MYO5A: variants seen among roughly 807,000 people sequenced by gnomAD.
MYO5A encodes the protein unconventional myosin-Va.
Under a neutral mutation model 249.7 loss-of-function variants are expected in MYO5A, and 98 were observed. That is an observed-to-expected ratio of 0.39 (90% CI 0.33 to 0.46). The LOEUF is 0.46. Ranked by LOEUF, MYO5A falls within the 20% of genes least tolerant of loss-of-function variation. MYO5A has a pLI of 0.98. For synonymous variants in MYO5A, 778 were observed against 810.6 expected (o/e 0.96, Z 0.68); for missense variants, 1,696 against 2,308.8 (o/e 0.73, Z 5.44).
intron 9 of MYO5A, among the ~76,000 whole-genome samples, chr15:52,404,163 G>A (rs1006747811): frequency 6.6e-6 from 1 of 151,720 alleles, no homozygotes; most frequent in African/African-American, 2.4e-5. Flanking sequence ...TACTCAGGAG[G>A]CTGAGGCAGA....
At chr15:52,377,707 A>T (rs186667688) in intron 18 of MYO5A, among the ~76,000 whole-genome samples, 1 of 151,154 alleles carries the variant, frequency 6.6e-6, no homozygotes, top group Admixed American at 6.6e-5. Context: ...AGTAGCTGGG[A>T]TTACAGGTAA....
At chr15:52,321,303 A>G (rs2038299028) in intron 38 of MYO5A, 56 bp downstream of exon 38, 8 of 1,608,620 alleles carry the variant, frequency 5.0e-6, no homozygotes, top group Non-Finnish European at 2.6e-6. Context: ...GTGGCTACTT[A>G]TCGATGGGCA....
chr15:52,462,711 G>T (rs569624173), intron 1 of MYO5A, among the ~76,000 whole-genome samples: 1 of 152,032 alleles, frequency 6.6e-6, no homozygotes, highest in Admixed American at 6.6e-5. Context: ...GGCCGGGCAC[G>T]GTGGCACACA....
At chr15:52,367,719 C>T (rs1011899265) in intron 22 of MYO5A, among the ~76,000 whole-genome samples, 11 of 152,036 alleles carry the variant, frequency 7.2e-5, no homozygotes. Flanking sequence ...CTTTCATCTC[C>T]CTTTAAGAGT....
At chr15:52,508,014 A>G (rs1294475827) in intron 1 of MYO5A, among the ~76,000 whole-genome samples, 1 of 152,186 alleles carries the variant, frequency 6.6e-6, no homozygotes, top group Admixed American at 6.5e-5. Flanking sequence ...CCCTATCAGG[A>G]AAGTACATTC....
intron 8 of MYO5A, among the ~76,000 whole-genome samples, chr15:52,406,463 T>A (rs764082961): frequency 2.4e-4 from 37 of 152,210 alleles, no homozygotes; most frequent in Non-Finnish European, 4.3e-4. Context: ...TAGATTTTGA[T>A]AAAATGCAGA....
intron 9 of MYO5A, among the ~76,000 whole-genome samples, chr15:52,404,273 A>C (rs2042901128): frequency 6.6e-6 from 1 of 150,766 alleles, no homozygotes; most frequent in African/African-American, 2.4e-5. Flanking sequence ...GTCTCAAAAA[A>C]AAAAAAAAAA....
chr15:52,332,879 C>T (rs1345781868), intron 34 of MYO5A, among the ~76,000 whole-genome samples: 12 of 152,080 alleles, frequency 7.9e-5, no homozygotes, highest in East Asian at 1.9e-4. Flanking sequence ...GCAGGAGAAT[C>T]GCTTGAACCT....
Position 52,313,087 on chromosome 15 carries a change from T to C in MYO5A, c.*609A>G, listed in dbSNP as rs865907185. ...GCAATTTAAAATGCTCAGTAAACTA[T>C]AGTACAAATGGACATCTATACTATT... On this transcript the variant is annotated 3_prime_UTR_variant, in exon 42 of 42. Transcript: ENST00000399233. 1.9e-5 allele frequency: 3 copies of C among 154,088 alleles called. No individual in the cohort carries two copies. Among genetic ancestry groups the C allele is most frequent in the Non-Finnish European group, 2.9e-5 (2 of 69,022 alleles). 9.5% of individuals were successfully genotyped at this position (154,088 alleles called of 1,614,324 possible).
At chr15:52,360,876 G>A (rs1299305700) in intron 24 of MYO5A, among the ~76,000 whole-genome samples, 1 of 152,168 alleles carries the variant, frequency 6.6e-6, no homozygotes, top group African/African-American at 2.4e-5. Flanking sequence ...AGCAGGAGAG[G>A]TGGAAAAGAT....
intron 32 of MYO5A, 63 bp downstream of exon 32, chr15:52,340,133 A>G (rs1567033824): frequency 6.3e-7 from 1 of 1,579,530 alleles, no homozygotes; most frequent in Non-Finnish European, 8.7e-7. Context: ...GTTTGATCAA[A>G]AAGAAACTAG....
At chr15:52,382,619 T>G (rs1165582851) in intron 16 of MYO5A, among the ~76,000 whole-genome samples, 2 of 151,978 alleles carry the variant, frequency 1.3e-5, no homozygotes, top group African/African-American at 4.8e-5. Flanking sequence ...TTCTGTTTTG[T>G]AAAAAAAACT....
At chr15:52,504,418 G>A (rs2077223099) in intron 1 of MYO5A, among the ~76,000 whole-genome samples, 2 of 152,138 alleles carry the variant, frequency 1.3e-5, no homozygotes, top group Non-Finnish European at 2.9e-5. Context: ...TAATACCCAT[G>A]TTTTGCAATG....
At chr15:52,370,569 A>C in intron 21 of MYO5A, 152 bp from the exon 22 acceptor site, 1 of 756,566 alleles carries the variant, frequency 1.3e-6, no homozygotes, top group Middle Eastern at 3.7e-4. Context: ...GCAATAGCAC[A>C]ACCAATACCT....
At chr15:52,392,452 C>G (rs1253866348) in intron 11 of MYO5A, among the ~76,000 whole-genome samples, 1 of 152,232 alleles carries the variant, frequency 6.6e-6, no homozygotes. Context: ...TTGATGCCCT[C>G]CAGGCTACTG....
At chr15:52,456,102 G>C (rs766902285) in intron 1 of MYO5A, among the ~76,000 whole-genome samples, 27 of 151,856 alleles carry the variant, frequency 1.8e-4, no homozygotes, top group Non-Finnish European at 3.1e-4. Context: ...ACTGATAAAC[G>C]AATCTAGTAA....
chr15:52,378,950 T>A (rs2041587283), intron 18 of MYO5A, among the ~76,000 whole-genome samples: 1 of 152,174 alleles, frequency 6.6e-6, no homozygotes, highest in Non-Finnish European at 1.5e-5. Context: ...TTTAGCCTGG[T>A]CTGCAAGACT....
intron 1 of MYO5A, among the ~76,000 whole-genome samples, chr15:52,514,527 A>T (rs983535777): frequency 6.6e-6 from 1 of 152,230 alleles, no homozygotes; most frequent in Non-Finnish European, 1.5e-5. Context: ...TGGAAATCAG[A>T]AGAAGGCAAA....
chr15:52,353,623 C>T lies in MYO5A; in HGVS notation c.3603G>A (p.Leu1201=). The change falls in exon 27 of 42, where the codon CTG becomes CTA. Residue 1201 remains leucine (L), a synonymous_variant. Coordinates refer to ENST00000399233, the MANE Select transcript of MYO5A (RefSeq NM_001382347.1). The part of the protein sequence containing the change: ...EERPQIRGAE[L]EYESLKRQEL... ...CCATTACCTTGAGTGACTCATATTC[C>T]AGTTCTGCACCTCTAATTTGTGGTC... 5 of 1,613,960 alleles carry T rather than the reference C, an allele frequency of 3.1e-6. No homozygotes were observed. Among genetic ancestry groups the T allele is most frequent in the Non-Finnish European group, 4.2e-6 (5 of 1,179,834 alleles).
Sources: gnomAD v4.1 joint callset for allele counts (sites outside exome capture counted in the v4.1 genomes callset) on GRCh38, gnomAD v4.1.1 for gene constraint, MANE v1.5 for transcripts, NCBI Gene and HGNC (gene_info 2026-07-23, HGNC 2026-07-21) for gene names.